The following SOS2 variants were observed in gnomAD, a reference collection of about 807,000 sequenced individuals.
SOS2 encodes son of sevenless homolog 2.
A neutral mutation model predicts 148.2 loss-of-function variants in SOS2; 65 were observed. The ratio of observed to expected loss-of-function variants is 0.44; its 90% CI spans 0.36 to 0.54. The LOEUF (loss-of-function observed/expected upper bound fraction) is 0.54, where lower values mean the gene tolerates loss of function less well. Ranked by LOEUF, SOS2 falls within the 20% of genes least tolerant of loss-of-function variation. The pLI is 0.00. For synonymous variants in SOS2, 539 were observed against 537.1 expected (o/e 1.00, Z -0.05); for missense variants, 1,341 against 1,590.2 (o/e 0.84, Z 2.67).
chr14:50,145,101 A>G (rs1164249679), intron 16 of SOS2, 69 bp downstream of exon 16: 4 of 782,188 alleles, frequency 5.1e-6, no homozygotes, highest in Non-Finnish European at 7.6e-6. Context: ...GACAGATGAT[A>G]GATGAAATTT....
intron 4 of SOS2, among the ~76,000 whole-genome samples, chr14:50,199,303 T>C (rs1035287292): frequency 2.0e-5 from 3 of 152,182 alleles, no homozygotes; most frequent in Non-Finnish European, 2.9e-5. Context: ...AACATTGCAG[T>C]CTAATTTTCT....
intron 1 of SOS2, among the ~76,000 whole-genome samples, chr14:50,226,748 AAC>A (rs557816369): frequency 1.3e-5 from 2 of 152,212 alleles, no homozygotes; most frequent in Non-Finnish European, 2.9e-5. Flanking sequence ...CCTGGTGAAA[AAC>A]ACCTTACAGA....
chr14:50,225,893 C>T (rs779578333), intron 1 of SOS2, among the ~76,000 whole-genome samples: 13 of 152,158 alleles, frequency 8.5e-5, no homozygotes, highest in African/African-American at 1.4e-4. Flanking sequence ...CTAGCTTCAT[C>T]CACTTATTCT....
chr14:50,133,237 TTTTTC>T (rs907391685), intron 19 of SOS2, among the ~76,000 whole-genome samples: 15 of 89,250 alleles, frequency 1.7e-4, no homozygotes, highest in African/African-American at 6.1e-4. Context: ...CTTTTTTTCT[TTTTTC>T]TTTTTTCTTT....
At chr14:50,194,790 T>C (rs1595013284) in intron 4 of SOS2, among the ~76,000 whole-genome samples, 2 of 148,182 alleles carry the variant, frequency 1.3e-5, no homozygotes, top group Non-Finnish European at 3.0e-5. Flanking sequence ...CAATAAAAAA[T>C]AAATAAATTA....
At chr14:50,125,037 A>G (rs1883638496) in intron 21 of SOS2, among the ~76,000 whole-genome samples, 1 of 152,232 alleles carries the variant, frequency 6.6e-6, no homozygotes, top group African/African-American at 2.4e-5. Flanking sequence ...CCCCAAAGAT[A>G]TGATGAAGTC....
intron 2 of SOS2, among the ~76,000 whole-genome samples, chr14:50,203,268 T>A (rs1024801495): frequency 6.6e-6 from 1 of 152,128 alleles, no homozygotes; most frequent in African/African-American, 2.4e-5. Flanking sequence ...CTTGGGAGGC[T>A]GAGGCAGGAG....
intron 1 of SOS2, among the ~76,000 whole-genome samples, chr14:50,219,291 G>A (rs965555676): frequency 6.6e-6 from 1 of 151,254 alleles, no homozygotes; most frequent in Admixed American, 6.6e-5. Flanking sequence ...ATAAATAAGT[G>A]AATGGATAAA....
intron 8 of SOS2, among the ~76,000 whole-genome samples, chr14:50,171,801 G>A (rs56089684): frequency 0.041 from 6,234 of 151,726 alleles, 426 homozygotes; most frequent in African/African-American, 0.14. Context: ...ATTTGTAAGC[G>A]TCATTGATGT....
intron 1 of SOS2, among the ~76,000 whole-genome samples, chr14:50,220,861 C>A (rs1014665659): frequency 7.2e-5 from 11 of 152,144 alleles, no homozygotes; most frequent in Non-Finnish European, 1.5e-4. Context: ...TGGCCTATGA[C>A]CCAGAAGCAC....
In SOS2 at chr14:50,205,727, T is replaced by C. The variant is rs1003038432; in HGVS notation, c.88-1318A>G. 2.6e-5 allele frequency among the ~76,000 whole-genome samples: 4 copies of C among 151,956 alleles called. No individual in the cohort carries two copies. In the East Asian group the frequency reaches 7.7e-4, roughly 29 times the overall value. ...TGGGTGGATCACCTGAGGTCAGAAG[T>C]TTGAGACCAGCCTGGCCAACATGGT... On this transcript the variant is annotated intron_variant, in intron 1 of 22. Coordinates refer to ENST00000216373, the MANE Select transcript of SOS2 (RefSeq NM_006939.4).
intron 8 of SOS2, among the ~76,000 whole-genome samples, chr14:50,165,230 T>C (rs1016570287): frequency 1.3e-5 from 2 of 152,194 alleles, no homozygotes; most frequent in African/African-American, 4.8e-5. Context: ...ATCTAATCTA[T>C]AGTGTATATT....
intron 1 of SOS2, among the ~76,000 whole-genome samples, chr14:50,211,654 C>T (rs1487149566): frequency 1.3e-5 from 2 of 151,082 alleles, no homozygotes; most frequent in Non-Finnish European, 2.9e-5. Context: ...GACAGGTTCT[C>T]GCTGTGTTGC....
chr14:50,223,749 G>C (rs751892067), intron 1 of SOS2, among the ~76,000 whole-genome samples: 2 of 152,070 alleles, frequency 1.3e-5, no homozygotes, highest in Admixed American at 6.5e-5. Flanking sequence ...GGGGCGGCAG[G>C]GGGGTGAGGT....
intron 18 of SOS2, among the ~76,000 whole-genome samples, chr14:50,135,071 C>CAAAAAAAA (rs746540364): frequency 4.4e-4 from 25 of 57,336 alleles, no homozygotes; most frequent in South Asian, 7.5e-4. Context: ...GAGACTGTCT[C>CAAAAAAAA]AAAAAAAAAA....
At chr14:50,205,076 T>C (rs1179586213) in intron 1 of SOS2, among the ~76,000 whole-genome samples, 1 of 152,112 alleles carries the variant, frequency 6.6e-6, no homozygotes, top group Non-Finnish European at 1.5e-5. Context: ...TAAAAAAGTA[T>C]TGCTTTCCTT....
chr14:50,177,140 A>T (rs1222561413), intron 7 of SOS2, among the ~76,000 whole-genome samples: 2 of 152,082 alleles, frequency 1.3e-5, no homozygotes, highest in Non-Finnish European at 2.9e-5. Context: ...CAATATGGTG[A>T]AACTCTGTCT....
At chr14:50,166,602 T>C (rs932164998) in intron 8 of SOS2, among the ~76,000 whole-genome samples, 3 of 152,204 alleles carry the variant, frequency 2.0e-5, no homozygotes, top group Non-Finnish European at 4.4e-5. Context: ...TTATCCTTAG[T>C]TGTCTATAAG....
At chr14:50,147,178 A>G (rs1434370865) in intron 14 of SOS2, among the ~76,000 whole-genome samples, 4 of 152,092 alleles carry the variant, frequency 2.6e-5, no homozygotes, top group Non-Finnish European at 5.9e-5. Context: ...CCTGGGTGAC[A>G]GAGTGAGACC....
Sources: gnomAD v4.1 joint callset for allele counts (sites outside exome capture counted in the v4.1 genomes callset) on GRCh38, gnomAD v4.1.1 for gene constraint, MANE v1.5 for transcripts, NCBI Gene and HGNC (gene_info 2026-07-23, HGNC 2026-07-21) for gene names.